FCHSD2: variants seen among roughly 807,000 people sequenced by gnomAD.
The protein encoded by FCHSD2 is F-BAR and double SH3 domains protein 2.
A neutral mutation model predicts 108.1 loss-of-function variants in FCHSD2; 38 were observed. The observed-to-expected ratio is 0.35, with a 90% confidence interval of 0.27 to 0.46. FCHSD2 has a LOEUF of 0.46. FCHSD2 is among the 20% of genes least tolerant of loss of function. The pLI is 1.00. For synonymous variants in FCHSD2, 279 were observed against 314.7 expected (o/e 0.89, Z 1.20); for missense variants, 751 against 897.8 (o/e 0.84, Z 2.09).
chr11:72,990,225 T>A (rs1480130959), intron 5 of FCHSD2, among the ~76,000 whole-genome samples: 1 of 152,180 alleles, frequency 6.6e-6, no homozygotes, highest in Admixed American at 6.5e-5. Context: ...GGGCCTTTGC[T>A]TAACTTTCTA....
At chr11:72,839,932 G>C (rs1229184636) in intron 19 of FCHSD2, among the ~76,000 whole-genome samples, 1 of 152,170 alleles carries the variant, frequency 6.6e-6, no homozygotes, top group Non-Finnish European at 1.5e-5. Flanking sequence ...GCAGAGACAG[G>C]TGGCGGCAAG....
At chr11:73,114,368 T>G (rs1396395293) in intron 2 of FCHSD2, among the ~76,000 whole-genome samples, 2 of 151,040 alleles carry the variant, frequency 1.3e-5, no homozygotes, top group African/African-American at 4.9e-5. Flanking sequence ...CCAGAAACGC[T>G]GTCCAAGGGC....
intron 3 of FCHSD2, among the ~76,000 whole-genome samples, chr11:73,025,417 C>T (rs1213373076): frequency 6.6e-6 from 1 of 152,060 alleles, no homozygotes; most frequent in Admixed American, 6.6e-5. Flanking sequence ...CATATTCTCA[C>T]TTATAAGTGG....
intron 4 of FCHSD2, 86 bp from the exon 5 acceptor site, chr11:73,001,220 C>G (rs1857619686): frequency 2.7e-6 from 3 of 1,105,166 alleles, no homozygotes; most frequent in South Asian, 1.4e-5. Flanking sequence ...GCAGCACTGA[C>G]AGAATAAATG....
chr11:73,139,374 A>T (rs1040160831), intron 2 of FCHSD2, among the ~76,000 whole-genome samples: 1 of 152,216 alleles, frequency 6.6e-6, no homozygotes, highest in Non-Finnish European at 1.5e-5. Context: ...ATCTTTGTTG[A>T]ACTGTCAGTC....
At chr11:72,840,746 C>T in intron 19 of FCHSD2, 131 bp downstream of exon 19, 1 of 632,428 alleles carries the variant, frequency 1.6e-6, no homozygotes, top group Non-Finnish European at 2.8e-6. Context: ...GCTCTTTTTA[C>T]CTTCCCAAAC....
chr11:72,839,407 A>C (rs1391714009), intron 19 of FCHSD2, among the ~76,000 whole-genome samples: 1 of 152,252 alleles, frequency 6.6e-6, no homozygotes, highest in Non-Finnish European at 1.5e-5. Flanking sequence ...TCAGGTAACA[A>C]CTGGAGAAAG....
intron 8 of FCHSD2, among the ~76,000 whole-genome samples, chr11:72,926,323 G>C (rs1856075172): frequency 6.6e-6 from 1 of 152,174 alleles, no homozygotes; most frequent in Non-Finnish European, 1.5e-5. Flanking sequence ...AAAGCCCTGG[G>C]CTCAGACAGA....
Position 72,902,563 on chromosome 11 carries a change from G to A in FCHSD2, c.904C>T (p.Gln302Ter), listed in dbSNP as rs1301655406. The A allele has an allele frequency of 6.3e-7, 1 of 1,584,938 alleles. No individual in the cohort carries two copies. The highest frequency in any genetic ancestry group is 8.6e-7 in the Non-Finnish European group (1 of 1,164,360). ...CTTACAGTATCACTGTCACAAGGCT[G>A]GAACTGGAAGGGCTGGGGTTTGTGA... ...VFHKPQPFQFQPCDSDTSRQL... is the reference protein window; with the variant it reads ...VFHKPQPFQF Residue 302 changes from glutamine (Q) to a stop codon, truncating the protein, a stop_gained, in exon 10 of 20, where the codon CAG becomes TAG. Transcript: ENST00000409418. LOFTEE classifies it high-confidence loss of function.
intron 2 of FCHSD2, among the ~76,000 whole-genome samples, chr11:73,091,023 CT>C (rs1160227241): frequency 1.3e-5 from 2 of 152,046 alleles, no homozygotes; most frequent in Admixed American, 1.3e-4. Flanking sequence ...TATATGTGAC[CT>C]TTTGTGTCTG....
At chr11:73,071,313 AT>A (rs1289939207) in intron 3 of FCHSD2, among the ~76,000 whole-genome samples, 1 of 151,992 alleles carries the variant, frequency 6.6e-6, no homozygotes, top group Non-Finnish European at 1.5e-5. Context: ...TTCTTTGACC[AT>A]TTTCCCAAAA....
intron 4 of FCHSD2, among the ~76,000 whole-genome samples, chr11:73,007,809 C>T (rs1404135193): frequency 6.6e-6 from 1 of 152,142 alleles, no homozygotes; most frequent in African/African-American, 2.4e-5. Flanking sequence ...AGTTGGATGA[C>T]TGTATCAGTA....
chr11:72,910,476 A>G (rs931322100), intron 9 of FCHSD2, among the ~76,000 whole-genome samples: 1 of 152,170 alleles, frequency 6.6e-6, no homozygotes, highest in East Asian at 1.9e-4. Context: ...TTGTTCTGTA[A>G]TAAGAAAAAT....
intron 14 of FCHSD2, among the ~76,000 whole-genome samples, chr11:72,845,456 AAAAAAC>A (rs1473792326): frequency 7.4e-4 from 35 of 47,474 alleles, no homozygotes; most frequent in Admixed American, 2.4e-3. Flanking sequence ...AAAAAAAAAA[AAAAAAC>A]AACAACAAAC....
intron 8 of FCHSD2, among the ~76,000 whole-genome samples, chr11:72,940,302 T>C (rs975184230): frequency 6.6e-6 from 1 of 152,242 alleles, no homozygotes; most frequent in Non-Finnish European, 1.5e-5. Context: ...AAGGGCCTTT[T>C]ACAAAGCATG....
At chr11:73,087,513 C>G (rs143215833) in intron 2 of FCHSD2, among the ~76,000 whole-genome samples, 2 of 152,074 alleles carry the variant, frequency 1.3e-5, no homozygotes, top group African/African-American at 2.4e-5. Context: ...TGAGACCAGT[C>G]TGCCAACATG....
intron 3 of FCHSD2, among the ~76,000 whole-genome samples, chr11:73,022,096 C>G (rs1565371808): frequency 2.6e-5 from 4 of 151,504 alleles, no homozygotes; most frequent in African/African-American, 4.8e-5. Context: ...TGTGTCTCAA[C>G]AAAGAAAAAA....
intron 12 of FCHSD2, among the ~76,000 whole-genome samples, chr11:72,885,077 G>T (rs1855168414): frequency 6.6e-6 from 1 of 152,188 alleles, no homozygotes; most frequent in South Asian, 2.1e-4. Flanking sequence ...GGTATGTGCA[G>T]AAACCATTAT....
intron 8 of FCHSD2, among the ~76,000 whole-genome samples, chr11:72,939,131 T>C (rs1856362937): frequency 6.6e-6 from 1 of 152,182 alleles, no homozygotes; most frequent in Non-Finnish European, 1.5e-5. Flanking sequence ...TGTTTCCTTA[T>C]TATAAACACT....
Sources: gnomAD v4.1 joint callset for allele counts (sites outside exome capture counted in the v4.1 genomes callset) on GRCh38, gnomAD v4.1.1 for gene constraint, MANE v1.5 for transcripts, NCBI Gene and HGNC (gene_info 2026-07-23, HGNC 2026-07-21) for gene names.